The following SLC38A6 variants were observed in gnomAD, a reference collection of about 807,000 sequenced individuals.
SLC38A6 encodes the protein solute carrier family 38 member 6.
A neutral mutation model predicts 65.0 loss-of-function variants in SLC38A6; 73 were observed. The observed-to-expected ratio is 1.12, with a 90% CI of 0.93 to 1.37. The LOEUF is 1.37. Ranked by LOEUF, SLC38A6 falls within the 40% of genes most tolerant of loss-of-function variation. The probability of loss-of-function intolerance (pLI) is 0.00; values close to 1 mark genes in which losing one functional copy is unlikely to be tolerated. For missense variants in SLC38A6, 561 were observed against 531.1 expected (o/e 1.06, Z -0.55); for synonymous variants, 183 against 178.8 (o/e 1.02, Z -0.19).
Position 61,064,439 on chromosome 14 carries a change from CCTG to C in SLC38A6, c.1290+12307_1290+12309del, listed in dbSNP as rs760823554. ...TGGGCATCAATTAATACATTTGTCACCTGCTCATGAGATAGGATCATGGGAGGT... is the reference window on the plus strand; with the variant it reads ...TGGGCATCAATTAATACATTTGTCACCTCATGAGATAGGATCATGGGAGGT... On this transcript the variant is annotated intron_variant, in intron 15 of 16. Transcript: ENST00000354886. Among the ~76,000 whole-genome samples, 201 of 152,052 alleles carry C rather than the reference CCTG, an allele frequency of 1.3e-3. 1 individual carries two copies. Among genetic ancestry groups the C allele is most frequent in the Non-Finnish European group, 1.7e-3 (117 of 67,996 alleles).
At chr14:60,989,741 TA>T (rs757258150) in intron 3 of SLC38A6, among the ~76,000 whole-genome samples, 41 of 152,016 alleles carry the variant, frequency 2.7e-4, no homozygotes, top group Non-Finnish European at 4.9e-4. Flanking sequence ...GAAAAAGAAT[TA>T]TCTAAACCAG....
chr14:61,073,948 A>G (rs1338194874), intron 15 of SLC38A6: 2 of 151,938 alleles, frequency 1.3e-5, no homozygotes, highest in South Asian at 4.2e-4. Context: ...AATAGTAAAT[A>G]TGTTTTCTCT....
In SLC38A6 at chr14:61,031,767, A is replaced by G. The variant is rs182008977; in HGVS notation, c.482+1244A>G. Among the ~76,000 whole-genome samples, 540 of 150,986 alleles carry G rather than the reference A, an allele frequency of 3.6e-3. 5 individuals are homozygous for G. The highest frequency in any genetic ancestry group is 0.012 in the African/African-American group (493 of 40,466). On this transcript the variant is annotated intron_variant, in intron 6 of 15. Coordinates refer to ENST00000267488, the MANE Select transcript of SLC38A6 (RefSeq NM_153811.3). ...CATTGAGGGCACCTTCTATTACTCA[A>G]ATTCTATGTGAGAAATTTATATTTT... is the stretch of plus-strand genomic sequence containing the variant.
At chr14:61,001,843 A>G (rs1270030390) in intron 3 of SLC38A6, among the ~76,000 whole-genome samples, 1 of 152,202 alleles carries the variant, frequency 6.6e-6, no homozygotes, top group African/African-American at 2.4e-5. Flanking sequence ...ACATATAAAC[A>G]TTTAATTTTG....
Position 61,067,165 on chromosome 14 carries a change from GTC to G in SLC38A6, c.1291-11641_1291-11640del, listed in dbSNP as rs376877867. On this transcript the variant is annotated intron_variant, in intron 15 of 16. Coordinates refer to the SLC38A6 transcript ENST00000354886. ...TACCTGTGTTCGAATCCCAGCTTCT[GTC>G]TCTTTCTATATCTTTCTAATTTTGG... Among the ~76,000 whole-genome samples, 246 of 152,246 alleles carry G rather than the reference GTC, an allele frequency of 1.6e-3. 10 individuals carry two copies. In the South Asian group the frequency reaches 0.05, roughly 31 times the overall value.
At chr14:61,046,282 A>C (rs1271853426) in intron 12 of SLC38A6, 115 bp downstream of exon 12, 1 of 647,700 alleles carries the variant, frequency 1.5e-6, no homozygotes, top group East Asian at 2.8e-5. Flanking sequence ...TCAGATCACC[A>C]AATTACAATG....
At chr14:61,043,310 G>A in intron 9 of SLC38A6, 98 bp downstream of exon 9, 5 of 1,033,866 alleles carry the variant, frequency 4.8e-6, no homozygotes, top group South Asian at 3.2e-5. Flanking sequence ...AAAAAGTAAT[G>A]GCTATATTGC....
chr14:61,028,222 A>G lies in SLC38A6; in HGVS notation c.404-2223A>G, dbSNP rs542693170. ...TAAAGGTCCAAAAGAAATAATAGAA[A>G]ATTACTGAAAGAGATGAATGTCTGA... On this transcript the variant is annotated intron_variant, in intron 5 of 15. Coordinates refer to ENST00000267488, the MANE Select transcript of SLC38A6 (RefSeq NM_153811.3). Among the ~76,000 whole-genome samples, 5 of 152,256 alleles carry G rather than the reference A, an allele frequency of 3.3e-5. No homozygotes were observed. The South Asian group carries it at 1.0e-3, about 32-fold the overall frequency.
At chr14:61,067,115 T>A (rs2043046443) in intron 15 of SLC38A6, among the ~76,000 whole-genome samples, 1 of 152,180 alleles carries the variant, frequency 6.6e-6, no homozygotes. Context: ...CATATGTTTT[T>A]AAAAAAAGAT....
intron 8 of SLC38A6, among the ~76,000 whole-genome samples, chr14:61,041,259 C>T (rs1206495609): frequency 6.6e-6 from 1 of 152,164 alleles, no homozygotes; most frequent in Non-Finnish European, 1.5e-5. Context: ...CGTTTCACTC[C>T]CGTTCTGTAC....
At chr14:61,053,415 T>G (rs1318612308), downstream of SLC38A6, among the ~76,000 whole-genome samples, 1 of 152,178 alleles carries the variant, frequency 6.6e-6, no homozygotes, top group Non-Finnish European at 1.5e-5. Context: ...AGTAATGGGA[T>G]TGCTGGGATG....
intron 3 of SLC38A6, among the ~76,000 whole-genome samples, chr14:61,000,382 C>A (rs958926143): frequency 2.6e-5 from 4 of 152,234 alleles, no homozygotes; most frequent in Non-Finnish European, 5.9e-5. Context: ...ATAATCCCAG[C>A]ACTTTGGGAG....
chr14:61,066,199 A>G (rs987600661), intron 15 of SLC38A6, among the ~76,000 whole-genome samples: 1 of 152,142 alleles, frequency 6.6e-6, no homozygotes, highest in Non-Finnish European at 1.5e-5. Flanking sequence ...ATCTTCCTGT[A>G]TTTTTTCCAT....
intron 8 of SLC38A6, among the ~76,000 whole-genome samples, chr14:61,039,814 T>C (rs1454868324): frequency 6.6e-6 from 1 of 152,118 alleles, no homozygotes; most frequent in African/African-American, 2.4e-5. Context: ...TTTGTAAATA[T>C]GTATAGCATT....
At chr14:61,001,521 A>G (rs1243201400) in intron 3 of SLC38A6, among the ~76,000 whole-genome samples, 1 of 152,240 alleles carries the variant, frequency 6.6e-6, no homozygotes, top group Non-Finnish European at 1.5e-5. Flanking sequence ...GGTTACATGT[A>G]TGTGTGCATG....
rs1425836719 is a variant in SLC38A6 at position 61,052,617 on chromosome 14, G to A, written c.*188G>A. On this transcript the variant is annotated 3_prime_UTR_variant, in exon 16 of 16. Transcript: ENST00000267488. ...TTTAATCAAAAAAAGAAACAAACTC[G>A]AAATGCTCTTAAATATATTGGGTTG... 6 of 666,610 alleles carry A rather than the reference G, an allele frequency of 9.0e-6. No individual in the cohort carries two copies. The highest frequency in any genetic ancestry group is 1.3e-5 in the Non-Finnish European group (6 of 470,660). 41.3% of individuals were successfully genotyped at this position (666,610 alleles called of 1,614,324 possible).
At chr14:61,027,310 G>C (rs1364931019) in intron 5 of SLC38A6, among the ~76,000 whole-genome samples, 1 of 152,096 alleles carries the variant, frequency 6.6e-6, no homozygotes, top group African/African-American at 2.4e-5. Context: ...TGGCTTTGGT[G>C]GTTTGGGGCC....
chr14:60,983,219 T>C (rs533025527), intron 2 of SLC38A6, among the ~76,000 whole-genome samples: 50 of 152,342 alleles, frequency 3.3e-4, no homozygotes, highest in Non-Finnish European at 6.0e-4. Flanking sequence ...TGGAAATTAA[T>C]GTTCCCACTA....
intron 1 of SLC38A6, chr14:60,981,786 G>A (rs2037050645): frequency 8.4e-7 from 1 of 1,195,224 alleles, no homozygotes; most frequent in African/African-American, 1.6e-5. Context: ...CATGGGGGGA[G>A]GGAAAATAAT....
Sources: allele counts gnomAD v4.1 joint callset (sites outside exome capture counted in the v4.1 genomes callset), GRCh38; gene constraint gnomAD v4.1.1; transcripts MANE v1.5; gene names NCBI Gene and HGNC (gene_info 2026-07-23, HGNC 2026-07-21).